The following DENND1B variants were observed in gnomAD, a reference collection of about 807,000 sequenced individuals.
DENND1B encodes DENN domain containing 1B.
Under a neutral mutation model 90.1 loss-of-function variants are expected in DENND1B, and 59 were observed. The ratio of observed to expected loss-of-function variants is 0.65; its 90% CI spans 0.53 to 0.81. The LOEUF is 0.81. Among genes scored for constraint, DENND1B ranks in the 40% least tolerant of loss-of-function variants. The pLI is 0.00. For missense variants in DENND1B, 862 were observed against 912.6 expected (o/e 0.94, Z 0.71); for synonymous variants, 337 against 324.6 (o/e 1.04, Z -0.41).
chr1:197,767,094 CCA>C (rs1655795487), intron 2 of DENND1B, among the ~76,000 whole-genome samples: 2 of 151,846 alleles, frequency 1.3e-5, no homozygotes, highest in South Asian at 2.1e-4. Flanking sequence ...GCACCCAGCC[CCA>C]GTTTCTTTTA....
chr1:197,690,236 TG>T, intron 3 of DENND1B: 1 of 279,134 alleles, frequency 3.6e-6, no homozygotes. Context: ...GCAATGTTGC[TG>T]GTGACAGCAA....
rs1668125666 is a variant in DENND1B, at chr1:197,512,861, C to T, written c.1598+10G>A. 1 of 1,609,136 alleles carries T rather than the reference C, an allele frequency of 6.2e-7. No individual in the cohort carries two copies. Among genetic ancestry groups the T allele is most frequent in the Non-Finnish European group, 8.5e-7 (1 of 1,177,330 alleles). On this transcript the variant is annotated intron_variant, in intron 21 of 22. Coordinates refer to ENST00000620048, the MANE Select transcript of DENND1B (RefSeq NM_001195215.2). Reference sequence around the variant, plus strand: ...TTCCACTTAATAGGACACCAAAATCCATTACTTACTTGCTTGCTCTTTCAA... The same window carrying T: ...TTCCACTTAATAGGACACCAAAATCTATTACTTACTTGCTTGCTCTTTCAA...
At chr1:197,658,755 A>G (rs1204226161) in intron 5 of DENND1B, among the ~76,000 whole-genome samples, 3 of 151,302 alleles carry the variant, frequency 2.0e-5, no homozygotes, top group Non-Finnish European at 4.4e-5. Context: ...TTAATATGTT[A>G]CTGGAGTATA....
chr1:197,724,242 A>G (rs1431508604), intron 2 of DENND1B, among the ~76,000 whole-genome samples: 2 of 152,176 alleles, frequency 1.3e-5, no homozygotes, highest in African/African-American at 2.4e-5. Flanking sequence ...ATTAAGAATA[A>G]CTGCTAAAAA....
At chr1:197,772,846 A>G (rs1226937712) in intron 2 of DENND1B, 22 bp downstream of exon 2, 1 of 1,539,862 alleles carries the variant, frequency 6.5e-7, no homozygotes, top group Non-Finnish European at 8.8e-7. Context: ...TTGTCAAATA[A>G]CAGAACACAG....
chr1:197,604,241 A>G (rs1288087557), intron 13 of DENND1B, among the ~76,000 whole-genome samples: 2 of 151,364 alleles, frequency 1.3e-5, no homozygotes, highest in Non-Finnish European at 3.0e-5. Context: ...TGATGAAATC[A>G]AAAAACAAGT....
At chr1:197,661,026 T>C (rs1197541157) in intron 5 of DENND1B, among the ~76,000 whole-genome samples, 1 of 152,032 alleles carries the variant, frequency 6.6e-6, no homozygotes, top group Non-Finnish European at 1.5e-5. Flanking sequence ...GTGTTTACAA[T>C]AAGCATATTG....
upstream of DENND1B, among the ~76,000 whole-genome samples, chr1:197,780,432 T>C (rs909249164): frequency 2.6e-5 from 4 of 151,802 alleles, no homozygotes; most frequent in Non-Finnish European, 5.9e-5. Context: ...TTCAAGCAAT[T>C]CTCCTGCCTC....
At chr1:197,674,634 A>G (rs1339711465) in intron 3 of DENND1B, among the ~76,000 whole-genome samples, 2 of 150,898 alleles carry the variant, frequency 1.3e-5, no homozygotes, top group African/African-American at 4.9e-5. Flanking sequence ...ACTGAGAGGT[A>G]TAACAACTCT....
At position 197,505,127 on chromosome 1, in the gene DENND1B, TCA is replaced by T. The variant is rs1438834460; in HGVS notation, c.*5331_*5332del. On this transcript the variant is annotated 3_prime_UTR_variant, in exon 23 of 23. Transcript: ENST00000620048. ...GCTTTATGCATTTATGTTGTAGGAC[TCA>T]GGCAGTTCATATTAGTTGCTGTTTT... 1 of 151,790 alleles carries T rather than the reference TCA, an allele frequency of 6.6e-6. No homozygotes were observed. Among genetic ancestry groups the T allele is most frequent in the Non-Finnish European group, 1.5e-5 (1 of 67,824 alleles). The allele number at this position is 151,790 out of a possible 1,614,324, so 9.4% of individuals were successfully genotyped here. A position where few individuals can be genotyped will look rare whatever the true frequency, so the allele number is the denominator to read the frequency against.
At chr1:197,755,482 G>A (rs1022466080) in intron 2 of DENND1B, among the ~76,000 whole-genome samples, 1 of 151,262 alleles carries the variant, frequency 6.6e-6, no homozygotes, top group Admixed American at 6.6e-5. Context: ...AAAAAAGATC[G>A]GACTTTTAAA....
At chr1:197,736,659 A>AATAT (rs1292174770) in intron 2 of DENND1B, among the ~76,000 whole-genome samples, 2 of 152,320 alleles carry the variant, frequency 1.3e-5, no homozygotes, top group East Asian at 3.9e-4. Context: ...AAATTAAAAT[A>AATAT]ATAAATTCTA....
intron 3 of DENND1B, among the ~76,000 whole-genome samples, chr1:197,700,895 C>T (rs752600818): frequency 3.3e-5 from 5 of 152,124 alleles, no homozygotes; most frequent in African/African-American, 1.2e-4. Context: ...TACCATCTCA[C>T]GACAGTCAGC....
intron 8 of DENND1B, 86 bp from the exon 9 acceptor site, chr1:197,645,829 T>A: frequency 1.1e-6 from 1 of 891,704 alleles, no homozygotes; most frequent in South Asian, 2.1e-5. Flanking sequence ...AAAAAATATA[T>A]TGAGTAAATT....
At chr1:197,718,905 T>C (rs535142085) in intron 2 of DENND1B, among the ~76,000 whole-genome samples, 4 of 152,146 alleles carry the variant, frequency 2.6e-5, no homozygotes, top group African/African-American at 9.6e-5. Context: ...AAGCAGACAG[T>C]AGTATAAATC....
At chr1:197,611,785 T>G in intron 12 of DENND1B, 146 bp downstream of exon 12, 1 of 615,984 alleles carries the variant, frequency 1.6e-6, no homozygotes, top group Non-Finnish European at 2.8e-6. Flanking sequence ...TTCAATGTTG[T>G]CTTTTTAAAA....
At position 197,632,814 on chromosome 1, in the gene DENND1B, A is replaced by T. The variant is rs566266646; in HGVS notation, c.672+9897T>A. Among the ~76,000 whole-genome samples, 9 of 152,310 alleles carry T rather than the reference A, an allele frequency of 5.9e-5. No individual in the cohort carries two copies. The East Asian group carries it at 1.7e-3, about 29-fold the overall frequency. On this transcript the variant is annotated intron_variant, in intron 10 of 22. Coordinates refer to ENST00000620048, the MANE Select transcript of DENND1B (RefSeq NM_001195215.2). ...GGGTACCATATGCCACTGAATCAAC[A>T]GGCTGAAAAAGAGGAAGTTAATCTA...
chr1:197,777,240 G>T (rs1411131510), upstream of DENND1B, among the ~76,000 whole-genome samples: 1 of 152,094 alleles, frequency 6.6e-6, no homozygotes, highest in Non-Finnish European at 1.5e-5. Flanking sequence ...TTTTAATTTG[G>T]TGTGAGGAGA....
rs180939198 is a variant in DENND1B at position 197,577,667 on chromosome 1, A to C, written c.1149+5485T>G. ...TAAGAGACCTGAAAATAATGGCTTA[A>C]GTCTTTGTAAAGCTGCTAGCTAAAG... On this transcript the variant is annotated intron_variant, in intron 15 of 22. Coordinates refer to ENST00000620048, the MANE Select transcript of DENND1B (RefSeq NM_001195215.2). Among the ~76,000 whole-genome samples the C allele has an allele frequency of 3.9e-5, 6 of 152,306 alleles. No individual in the cohort carries two copies. The South Asian group carries it at 1.2e-3, about 32-fold the overall frequency.
Sources: allele counts gnomAD v4.1 joint callset (sites outside exome capture counted in the v4.1 genomes callset), GRCh38; gene constraint gnomAD v4.1.1; transcripts MANE v1.5; gene names NCBI Gene and HGNC (gene_info 2026-07-23, HGNC 2026-07-21).